The following MARK3 variants were observed in gnomAD, a reference collection of about 807,000 sequenced individuals.
MARK3 encodes MAP/microtubule affinity-regulating kinase 3.
In MARK3, 46 loss-of-function variants were observed where a neutral mutation model predicts 90.1. The observed-to-expected ratio is 0.51, with a 90% CI of 0.40 to 0.65. MARK3 has a LOEUF of 0.65. Among genes scored for constraint, MARK3 ranks in the 30% least tolerant of loss-of-function variants. The pLI, the probability that MARK3 is intolerant of heterozygous loss-of-function variation, is 0.00. For missense variants in MARK3, 818 were observed against 947.2 expected, an observed-to-expected ratio of 0.86 and a Z score of 1.79; for synonymous variants, 321 against 332.6, an observed-to-expected ratio of 0.97 and a Z score of 0.38.
chr14:103,435,666 C>A (rs1228016102), intron 3 of MARK3, among the ~76,000 whole-genome samples: 2 of 152,088 alleles, frequency 1.3e-5, no homozygotes, highest in Non-Finnish European at 2.9e-5. Context: ...CCTTGGCCTC[C>A]CAAAGTGCTG....
chr14:103,460,313 C>G (rs1017338008), intron 6 of MARK3, among the ~76,000 whole-genome samples: 1 of 151,868 alleles, frequency 6.6e-6, no homozygotes. Context: ...TCTCGATCTC[C>G]TGACCTCGTG....
intron 5 of MARK3, 127 bp from the exon 6 acceptor site, chr14:103,457,015 A>G (rs1271559376): frequency 5.6e-6 from 3 of 534,196 alleles, no homozygotes; most frequent in Non-Finnish European, 1.0e-5. Context: ...CAAATTCCAC[A>G]TATTTCTGGC....
At chr14:103,420,953 C>T (rs1458668634) in intron 2 of MARK3, among the ~76,000 whole-genome samples, 1 of 151,954 alleles carries the variant, frequency 6.6e-6, no homozygotes, top group African/African-American at 2.4e-5. Context: ...TTAAAATGGG[C>T]CCCAAGCATA....
chr14:103,467,373 G>T, intron 11 of MARK3, 182 bp downstream of exon 11: 1 of 382,768 alleles, frequency 2.6e-6, no homozygotes. Context: ...AACCCTTAAT[G>T]ATGGATATTG....
At chr14:103,480,617 A>T (rs2093803529) in intron 14 of MARK3, 127 bp downstream of exon 14, 1 of 595,040 alleles carries the variant, frequency 1.7e-6, no homozygotes, top group Admixed American at 3.3e-5. Context: ...AAGGTAAGTT[A>T]AATTTGTATA....
chr14:103,399,752 G>A (rs965344275), intron 1 of MARK3, among the ~76,000 whole-genome samples: 6 of 151,080 alleles, frequency 4.0e-5, no homozygotes, highest in South Asian at 2.1e-4. Flanking sequence ...GGTATGCAGC[G>A]TCTAGCTTTG....
intron 3 of MARK3, 151 bp from the exon 4 acceptor site, chr14:103,448,768 C>A: frequency 2.8e-6 from 2 of 714,952 alleles, no homozygotes; most frequent in Non-Finnish European, 4.2e-6. Flanking sequence ...ATATTCTGGA[C>A]TTTCATATTA....
chr14:103,491,563 G>C (rs2094016927), intron 14 of MARK3: 1 of 545,554 alleles, frequency 1.8e-6, no homozygotes, highest in African/African-American at 1.9e-5. Flanking sequence ...ATATAATACT[G>C]GTCCCTTAAA....
intron 11 of MARK3, 74 bp downstream of exon 11, chr14:103,467,265 T>G: frequency 1.5e-6 from 1 of 682,822 alleles, no homozygotes; most frequent in Non-Finnish European, 2.4e-6. Context: ...TCTTAGTTTT[T>G]ATCTTTTGAA....
intron 13 of MARK3, among the ~76,000 whole-genome samples, chr14:103,479,676 A>G (rs954938067): frequency 2.9e-4 from 35 of 119,840 alleles, no homozygotes; most frequent in African/African-American, 9.2e-4. Flanking sequence ...CTTGTTACAC[A>G]GGCTGGAGTG....
intron 14 of MARK3, chr14:103,491,286 C>T (rs1217940228): frequency 1.9e-5 from 5 of 260,662 alleles, no homozygotes; most frequent in East Asian, 1.2e-4. Flanking sequence ...TGTGTGTCTT[C>T]GTGCCTTCGC....
chr14:103,406,800 A>G (rs1013272721), intron 2 of MARK3, among the ~76,000 whole-genome samples: 2 of 145,730 alleles, frequency 1.4e-5, no homozygotes, highest in East Asian at 2.0e-4. Flanking sequence ...CATGAAACAT[A>G]TATTAGGTGT....
At chr14:103,421,557 G>A (rs992973314) in intron 2 of MARK3, among the ~76,000 whole-genome samples, 1 of 152,260 alleles carries the variant, frequency 6.6e-6, no homozygotes, top group South Asian at 2.1e-4. Flanking sequence ...CCTCATAGAG[G>A]CCAGAGGAAC....
chr14:103,501,774 G>A (rs985890102), intron 17 of MARK3, among the ~76,000 whole-genome samples: 1 of 152,180 alleles, frequency 6.6e-6, no homozygotes, highest in Non-Finnish European at 1.5e-5. Context: ...CTCCAGATGA[G>A]TTTGAGAGCT....
At chr14:103,389,974 CGCGG>C (rs1224268274) in intron 1 of MARK3, among the ~76,000 whole-genome samples, 1 of 110,994 alleles carries the variant, frequency 9.0e-6, no homozygotes, top group African/African-American at 3.6e-5. Context: ...AAAGGCCGGG[CGCGG>C]TGGCTCACAC....
rs551122211 is a variant in MARK3, at chr14:103,405,219, G to A, written c.195G>A (p.Gly65=). 1.9e-5 allele frequency: 30 copies of A among 1,576,652 alleles called. 1 individual carries two copies. In the South Asian group the frequency reaches 3.3e-4, roughly 17 times the overall value. Residue 65 remains glycine (G), a synonymous_variant, in exon 2 of 18, where the codon GGG becomes GGA. Coordinates refer to ENST00000429436, the MANE Select transcript of MARK3 (RefSeq NM_001128918.3). ...GACTGTTGAAAACAATCGGCAAGGG[G>A]AATTTTGCAAAAGTAAAATTGGCAA... ...NYRLLKTIGK[G]NFAKVKLARH...
intron 3 of MARK3, among the ~76,000 whole-genome samples, chr14:103,445,052 T>C (rs1171900082): frequency 6.6e-6 from 1 of 152,184 alleles, no homozygotes; most frequent in Non-Finnish European, 1.5e-5. Flanking sequence ...GACTTTTCTA[T>C]ATCAGCAGCT....
At chr14:103,420,658 T>C (rs531728214) in intron 2 of MARK3, among the ~76,000 whole-genome samples, 17 of 152,354 alleles carry the variant, frequency 1.1e-4, no homozygotes, top group African/African-American at 4.1e-4. Context: ...CCACTATTCA[T>C]TTCCAGGCAG....
At chr14:103,387,237 G>T (rs2089879764) in intron 1 of MARK3, among the ~76,000 whole-genome samples, 1 of 152,166 alleles carries the variant, frequency 6.6e-6, no homozygotes, top group Non-Finnish European at 1.5e-5. Flanking sequence ...CCGCTTGTTT[G>T]CTGGATAGCT....
Sources: gnomAD v4.1 joint callset for allele counts (sites outside exome capture counted in the v4.1 genomes callset) on GRCh38, gnomAD v4.1.1 for gene constraint, MANE v1.5 for transcripts, NCBI Gene and HGNC (gene_info 2026-07-23, HGNC 2026-07-21) for gene names.